The following COX10 variants were observed in gnomAD, a reference collection of about 807,000 sequenced individuals.
The protein encoded by COX10 is cytochrome c oxidase assembly factor heme A:farnesyltransferase COX10, also known as protoheme IX farnesyltransferase, mitochondrial.
A neutral mutation model predicts 37.3 loss-of-function variants in COX10; 27 were observed. The observed-to-expected ratio is 0.72, with a 90% CI of 0.53 to 1.00. COX10 has a LOEUF of 1.00. Among genes scored for constraint, COX10 ranks in the 50% least tolerant of loss-of-function variants. COX10 has a pLI of 0.00. For missense variants in COX10, 475 were observed against 563.2 expected, an observed-to-expected ratio of 0.84 and a Z score of 1.59; for synonymous variants, 222 against 229.1, an observed-to-expected ratio of 0.97 and a Z score of 0.28.
At chr17:14,179,539 G>A (rs1022331575) in intron 5 of COX10, among the ~76,000 whole-genome samples, 12 of 152,162 alleles carry the variant, frequency 7.9e-5, no homozygotes, top group Admixed American at 6.6e-4. Flanking sequence ...GCATAAGGCA[G>A]CCCAGAAATA....
chr17:14,204,976 G>T (rs985809580), intron 6 of COX10, among the ~76,000 whole-genome samples: 1 of 151,920 alleles, frequency 6.6e-6, no homozygotes, highest in Non-Finnish European at 1.5e-5. Context: ...GTTTGGTGAC[G>T]TGCACCTATA....
intron 6 of COX10, among the ~76,000 whole-genome samples, chr17:14,197,980 A>C (rs1260744553): frequency 6.6e-6 from 1 of 152,120 alleles, no homozygotes. Flanking sequence ...TAATTACCTT[A>C]TCTTAATTTT....
At chr17:14,193,438 C>G (rs898710803) in intron 6 of COX10, among the ~76,000 whole-genome samples, 8 of 151,002 alleles carry the variant, frequency 5.3e-5, no homozygotes, top group African/African-American at 1.9e-4. Flanking sequence ...TTCAGGAGTC[C>G]TCCTTCATAC....
intron 3 of COX10, among the ~76,000 whole-genome samples, chr17:14,096,210 C>T (rs1481790809): frequency 5.9e-5 from 9 of 151,920 alleles, no homozygotes; most frequent in Non-Finnish European, 1.3e-4. Context: ...AGGGCTGGGC[C>T]ACCATGACCC....
chr17:14,180,651 T>C (rs1043147823), intron 5 of COX10, among the ~76,000 whole-genome samples: 9 of 152,210 alleles, frequency 5.9e-5, no homozygotes, highest in Non-Finnish European at 8.8e-5. Flanking sequence ...TAAATATGAA[T>C]ATGAAGAGTT....
intron 5 of COX10, among the ~76,000 whole-genome samples, chr17:14,175,326 T>G (rs1905645728): frequency 6.6e-6 from 1 of 151,872 alleles, no homozygotes; most frequent in Admixed American, 6.6e-5. Flanking sequence ...AATAGAATGT[T>G]GTAGAACATA....
intron 4 of COX10, among the ~76,000 whole-genome samples, chr17:14,122,427 A>G (rs1916250500): frequency 6.6e-6 from 1 of 152,194 alleles, no homozygotes; most frequent in Non-Finnish European, 1.5e-5. Flanking sequence ...ATCCTTGCTT[A>G]TCCACTTACA....
rs779518042 is a variant in COX10, at chr17:14,207,051, G to T, written c.1170G>T (p.Ala390=). 1 of 1,613,938 alleles carries T rather than the reference G, an allele frequency of 6.2e-7. No homozygotes were observed. The highest frequency in any genetic ancestry group is 8.5e-7 in the Non-Finnish European group (1 of 1,179,936). The change falls in exon 7 of 7, where the codon GCG becomes GCT. Residue 390 remains alanine, a synonymous_variant. Transcript: ENST00000261643. Reference sequence around the variant, plus strand: ...CCATCATGGCCCTTCCCATCAATGCGTACATCTCCTACCTCGGCTTCCGCT... The same window carrying T: ...CCATCATGGCCCTTCCCATCAATGCTTACATCTCCTACCTCGGCTTCCGCT... ...TFPIMALPIN[A]YISYLGFRFY... is the part of the protein sequence containing the mutation.
intron 5 of COX10, among the ~76,000 whole-genome samples, chr17:14,170,714 G>C (rs181891897): frequency 2.2e-4 from 33 of 152,258 alleles, no homozygotes; most frequent in Admixed American, 7.2e-4. Flanking sequence ...GCTCCTTAGA[G>C]GCTGAGGCAG....
chr17:14,156,698 T>G (rs111366100), intron 4 of COX10, among the ~76,000 whole-genome samples: 296 of 152,308 alleles, frequency 1.9e-3, no homozygotes, highest in Non-Finnish European at 3.0e-3. Context: ...CCCTATGCCC[T>G]TAACCATCTA....
intron 6 of COX10, among the ~76,000 whole-genome samples, chr17:14,204,477 C>T (rs186290858): frequency 1.3e-5 from 2 of 152,096 alleles, no homozygotes; most frequent in African/African-American, 4.8e-5. Context: ...TCCTCCCCTC[C>T]TTATTTACAC....
intron 5 of COX10, among the ~76,000 whole-genome samples, chr17:14,164,975 A>G (rs1318446986): frequency 1.3e-5 from 2 of 152,198 alleles, no homozygotes; most frequent in Non-Finnish European, 2.9e-5. Context: ...GTTTGCCCCA[A>G]CAGAATTATT....
At chr17:14,098,428 C>A (rs1442972265) in intron 3 of COX10, among the ~76,000 whole-genome samples, 1 of 152,002 alleles carries the variant, frequency 6.6e-6, no homozygotes, top group African/African-American at 2.4e-5. Context: ...TGTGAAGAGT[C>A]GCCTAACCAG....
At chr17:14,152,062 T>A (rs577773527) in intron 4 of COX10, among the ~76,000 whole-genome samples, 1 of 152,296 alleles carries the variant, frequency 6.6e-6, no homozygotes, top group East Asian at 1.9e-4. Flanking sequence ...ATGAATATAC[T>A]GAAAAACTAA....
At chr17:14,171,244 G>A (rs1905456725) in intron 5 of COX10, among the ~76,000 whole-genome samples, 2 of 152,240 alleles carry the variant, frequency 1.3e-5, no homozygotes, top group South Asian at 2.1e-4. Flanking sequence ...TCCCAAGGTT[G>A]CAGAGAGGTA....
At position 14,207,000 on chromosome 17, in the gene COX10, G is replaced by C. The variant is rs757992635; in HGVS notation, c.1119G>C (p.Val373=). ...TCGTGCTGTCCGCAGCAGCCCCTGT[G>C]CTGGACATCACCACATGGACCTTCC... ...ALLVLSAAAP[V]LDITTWTFPI... is the part of the protein sequence containing the mutation. Residue 373 remains valine, a synonymous_variant, in exon 7 of 7, where the codon GTG becomes GTC. Coordinates refer to ENST00000261643, the MANE Select transcript of COX10 (RefSeq NM_001303.4). 1 of 1,614,064 alleles carries C rather than the reference G, an allele frequency of 6.2e-7. No homozygotes were observed. Among genetic ancestry groups the C allele is most frequent in the South Asian group, 1.1e-5 (1 of 91,090 alleles).
chr17:14,117,588 TA>T (rs1473990213), intron 4 of COX10, among the ~76,000 whole-genome samples: 6 of 152,206 alleles, frequency 3.9e-5, no homozygotes, highest in African/African-American at 1.4e-4. Flanking sequence ...ACTCCTTCAG[TA>T]ACCTGCTGCT....
At chr17:14,074,582 C>T (rs1222619573) in intron 2 of COX10, 126 bp downstream of exon 2, 5 of 912,886 alleles carry the variant, frequency 5.5e-6, no homozygotes, top group African/African-American at 3.3e-5. Context: ...TATTTAGTGT[C>T]CTTAAATTTA....
intron 3 of COX10, among the ~76,000 whole-genome samples, chr17:14,092,145 G>A (rs1449828509): frequency 2.0e-5 from 3 of 152,106 alleles, no homozygotes. Context: ...AACAAGCTTA[G>A]GATCTCACTC....
Sources: allele counts gnomAD v4.1 joint callset (sites outside exome capture counted in the v4.1 genomes callset), GRCh38; gene constraint gnomAD v4.1.1; transcripts MANE v1.5; gene names NCBI Gene and HGNC (gene_info 2026-07-23, HGNC 2026-07-21).